Variants in MTHFD1L observed in about 807,000 individuals in gnomAD.
The protein encoded by MTHFD1L is methylenetetrahydrofolate dehydrogenase (NADP+ dependent) 1 like.
MTHFD1L carries 81 observed loss-of-function variants against 119.5 expected under a neutral mutation model. That is an observed-to-expected ratio of 0.68 (90% CI 0.57 to 0.82). The LOEUF (loss-of-function observed/expected upper bound fraction) is 0.82. Ranked by LOEUF, MTHFD1L falls within the 40% of genes least tolerant of loss-of-function variation. MTHFD1L has a pLI of 0.00. For missense variants in MTHFD1L, 1,125 were observed against 1,253.4 expected (o/e 0.90, Z 1.55); for synonymous variants, 430 against 475.2 (o/e 0.90, Z 1.24).
At chr6:151,056,784 C>T (rs1050710248) in intron 26 of MTHFD1L, among the ~76,000 whole-genome samples, 1 of 152,154 alleles carries the variant, frequency 6.6e-6, no homozygotes, top group Non-Finnish European at 1.5e-5. Flanking sequence ...GCTCCAGTTA[C>T]AAGCCTGTGT....
At position 151,015,963 on chromosome 6, in the gene MTHFD1L, T is replaced by G. The variant is rs1782992003; in HGVS notation, c.2586+270T>G. Among the ~76,000 whole-genome samples, 5 of 152,068 alleles carry G rather than the reference T, an allele frequency of 3.3e-5. No homozygotes were observed. The South Asian group carries it at 1.0e-3, about 32-fold the overall frequency. On this transcript the variant is annotated intron_variant, in intron 24 of 27. Transcript: ENST00000367321. ...TTAGGTGGGCATGGTGGCGTGCACC[T>G]ATAGTCCCAGCTACTCGGGAGGCTG...
chr6:150,948,914 A>G, intron 15 of MTHFD1L, 117 bp from the exon 16 acceptor site: 1 of 850,970 alleles, frequency 1.2e-6, no homozygotes, highest in South Asian at 1.7e-5. Context: ...GTGCCAGTTT[A>G]GTTTTTTAAA....
At chr6:150,877,566 T>C in intron 2 of MTHFD1L, 68 bp from the exon 3 acceptor site, 1 of 1,523,632 alleles carries the variant, frequency 6.6e-7, no homozygotes, top group Non-Finnish European at 9.1e-7. Flanking sequence ...ACAAAATTCA[T>C]CTCTGGATTA....
In MTHFD1L at chr6:150,903,658, A is replaced by G. The variant is rs539192290; in HGVS notation, c.781-1992A>G. Among the ~76,000 whole-genome samples the G allele has an allele frequency of 2.6e-5, 4 of 152,296 alleles. No homozygotes were observed. In the South Asian group the frequency reaches 8.3e-4, roughly 32 times the overall value. ...AAGCTGTTCTCAAACTTTTGGGCTC[A>G]AGCAGTCTTCCCACCCTGGCCTCCC... On this transcript the variant is annotated intron_variant, in intron 7 of 27. Transcript: ENST00000367321.
intron 24 of MTHFD1L, among the ~76,000 whole-genome samples, chr6:151,032,042 T>C (rs1479186714): frequency 6.6e-6 from 1 of 152,242 alleles, no homozygotes; most frequent in Non-Finnish European, 1.5e-5. Context: ...CCAGTACCCA[T>C]GGAATTTATT....
intron 21 of MTHFD1L, among the ~76,000 whole-genome samples, chr6:151,011,125 C>A (rs1177899796): frequency 6.6e-6 from 1 of 152,174 alleles, no homozygotes; most frequent in Non-Finnish European, 1.5e-5. Flanking sequence ...TTTTCTAAAT[C>A]CAAATCCACT....
chr6:150,955,498 T>A (rs1448674404), intron 16 of MTHFD1L, among the ~76,000 whole-genome samples: 2 of 71,254 alleles, frequency 2.8e-5, no homozygotes, highest in Non-Finnish European at 6.0e-5. Context: ...TGGTTGGGTT[T>A]TTTTTTTTTT....
At chr6:150,876,992 G>C (rs1207060668) in intron 2 of MTHFD1L, among the ~76,000 whole-genome samples, 1 of 152,178 alleles carries the variant, frequency 6.6e-6, no homozygotes, top group Non-Finnish European at 1.5e-5. Context: ...CTGGGAATCT[G>C]CTTACTCCCT....
At chr6:150,927,828 G>A (rs1334762499) in intron 11 of MTHFD1L, among the ~76,000 whole-genome samples, 1 of 152,014 alleles carries the variant, frequency 6.6e-6, no homozygotes, top group East Asian at 1.9e-4. Flanking sequence ...GATGAGGGTG[G>A]AGATCCCATC....
At chr6:150,960,442 A>C (rs1055063147) in intron 18 of MTHFD1L, 27 bp downstream of exon 18, 5 of 1,586,670 alleles carry the variant, frequency 3.2e-6, no homozygotes, top group Non-Finnish European at 4.3e-6. Context: ...CGGAAGCTTC[A>C]GGGAGTGGAC....
At chr6:150,948,614 G>A (rs1033149015) in intron 15 of MTHFD1L, among the ~76,000 whole-genome samples, 23 of 150,332 alleles carry the variant, frequency 1.5e-4, no homozygotes, top group Non-Finnish European at 2.2e-4. Flanking sequence ...ATGAGCCACC[G>A]CACCTGGCCC....
At chr6:151,061,091 G>A (rs573253744) in intron 26 of MTHFD1L, among the ~76,000 whole-genome samples, 3 of 152,302 alleles carry the variant, frequency 2.0e-5, no homozygotes, top group Admixed American at 6.5e-5. Context: ...CTTAATGACT[G>A]GGGTTGTCAT....
intron 26 of MTHFD1L, among the ~76,000 whole-genome samples, chr6:151,081,498 C>CAAAAAAAAA (rs56795003): frequency 3.7e-4 from 36 of 98,096 alleles, no homozygotes; most frequent in African/African-American, 8.8e-4. Flanking sequence ...ACTAAAAATG[C>CAAAAAAAAA]AAAAAAAAAA....
At chr6:150,995,211 T>C (rs1779656845) in intron 20 of MTHFD1L, among the ~76,000 whole-genome samples, 1 of 152,098 alleles carries the variant, frequency 6.6e-6, no homozygotes, top group Non-Finnish European at 1.5e-5. Flanking sequence ...TGTTACTTTT[T>C]GTCCTGTAAA....
chr6:150,908,024 A>G (rs1786224451), intron 8 of MTHFD1L, among the ~76,000 whole-genome samples: 1 of 150,464 alleles, frequency 6.6e-6, no homozygotes, highest in African/African-American at 2.4e-5. Context: ...CAGCCTCCCA[A>G]GTAGCTAGGA....
At chr6:151,027,236 G>A (rs1389287197) in intron 24 of MTHFD1L, among the ~76,000 whole-genome samples, 2 of 151,804 alleles carry the variant, frequency 1.3e-5, no homozygotes, top group Non-Finnish European at 2.9e-5. Flanking sequence ...GACTTTAATA[G>A]TAATGTTTAT....
chr6:151,026,990 A>T (rs911793801), intron 24 of MTHFD1L, among the ~76,000 whole-genome samples: 1 of 151,286 alleles, frequency 6.6e-6, no homozygotes, highest in Non-Finnish European at 1.5e-5. Flanking sequence ...CACCACTCCC[A>T]GCTAATTTTT....
intron 11 of MTHFD1L, among the ~76,000 whole-genome samples, chr6:150,931,636 T>C (rs1462050423): frequency 1.3e-5 from 2 of 152,202 alleles, no homozygotes; most frequent in African/African-American, 4.8e-5. Context: ...ATATGCTACT[T>C]GAGCATGTAG....
At chr6:150,943,723 G>A (rs898688375) in intron 13 of MTHFD1L, among the ~76,000 whole-genome samples, 8 of 152,208 alleles carry the variant, frequency 5.3e-5, no homozygotes, top group Middle Eastern at 3.4e-3. Flanking sequence ...AAAAAGTTTT[G>A]TGAAAAACGA....
Sources: allele counts gnomAD v4.1 joint callset (sites outside exome capture counted in the v4.1 genomes callset), GRCh38; gene constraint gnomAD v4.1.1; transcripts MANE v1.5; gene names NCBI Gene and HGNC (gene_info 2026-07-23, HGNC 2026-07-21).